The following RIMS2 variants were observed in gnomAD, a reference collection of about 807,000 sequenced individuals.
RIMS2 encodes the protein regulating synaptic membrane exocytosis 2.
A neutral mutation model predicts 174.4 loss-of-function variants in RIMS2; 59 were observed. The ratio of observed to expected loss-of-function variants is 0.34; its 90% CI spans 0.27 to 0.42. The LOEUF (loss-of-function observed/expected upper bound fraction) is 0.42, where lower values mean the gene tolerates loss of function less well. Ranked by LOEUF, RIMS2 falls within the 10% of genes least tolerant of loss-of-function variation. The pLI is 1.00. For missense variants in RIMS2, 1,620 were observed against 1,666.3 expected, an observed-to-expected ratio of 0.97 and a Z score of 0.48; for synonymous variants, 606 against 572.5, an observed-to-expected ratio of 1.06 and a Z score of -0.84.
intron 1 of RIMS2, among the ~76,000 whole-genome samples, chr8:103,638,829 A>C (rs530709526): frequency 4.5e-4 from 69 of 152,200 alleles, no homozygotes; most frequent in Admixed American, 3.4e-3. Context: ...CTCTCAGCAA[A>C]CAAAATGAGG....
chr8:103,626,597 A>T lies in RIMS2; in HGVS notation c.177-70489A>T, dbSNP rs565136920. Among the ~76,000 whole-genome samples, 26 of 152,340 alleles carry T rather than the reference A, an allele frequency of 1.7e-4. 1 individual carries two copies. The South Asian group carries it at 5.4e-3, about 32-fold the overall frequency. On this transcript the variant is annotated intron_variant, in intron 1 of 23. Coordinates refer to ENST00000504942, the Ensembl canonical transcript of RIMS2. ...TTTCCAGTAATGCATATATTGATCT[A>T]ATACCATAAAAAATATTGATGTCTA...
At chr8:103,817,313 T>C (rs1446536357) in intron 3 of RIMS2, among the ~76,000 whole-genome samples, 1 of 152,176 alleles carries the variant, frequency 6.6e-6, no homozygotes, top group Non-Finnish European at 1.5e-5. Context: ...AATTGGCCAT[T>C]TTACAATAGG....
intron 1 of RIMS2, among the ~76,000 whole-genome samples, chr8:103,616,421 T>C (rs1377967567): frequency 1.3e-5 from 2 of 152,204 alleles, no homozygotes; most frequent in Non-Finnish European, 2.9e-5. Flanking sequence ...TTATATTGAA[T>C]GGACAAAAGC....
chr8:103,783,543 A>G (rs1395653019), intron 3 of RIMS2, among the ~76,000 whole-genome samples: 2 of 151,224 alleles, frequency 1.3e-5, no homozygotes, highest in African/African-American at 2.4e-5. Flanking sequence ...TTCTTGCGAT[A>G]GTTTACTGAG....
chr8:103,588,241 A>C (rs2094070660), intron 1 of RIMS2, among the ~76,000 whole-genome samples: 1 of 151,972 alleles, frequency 6.6e-6, no homozygotes, highest in South Asian at 2.1e-4. Flanking sequence ...CTGAAGAAAA[A>C]AATTAAAGAG....
chr8:103,701,708 ATTTT>A (rs2097170024), intron 2 of RIMS2, among the ~76,000 whole-genome samples: 2 of 151,834 alleles, frequency 1.3e-5, no homozygotes, highest in Non-Finnish European at 2.9e-5. Context: ...GGCCTGGCTT[ATTTT>A]ACTTAACATA....
chr8:104,130,636 A>G (rs1689375211), intron 19 of RIMS2, among the ~76,000 whole-genome samples: 1 of 152,168 alleles, frequency 6.6e-6, no homozygotes, highest in Admixed American at 6.5e-5. Context: ...GGCGGAAGAT[A>G]AGAGCAAATT....
At chr8:103,576,372 G>A (rs1015020228) in intron 1 of RIMS2, among the ~76,000 whole-genome samples, 1 of 152,142 alleles carries the variant, frequency 6.6e-6, no homozygotes, top group African/African-American at 2.4e-5. Flanking sequence ...ACCACAATAA[G>A]CCAGATAGGT....
intron 2 of RIMS2, among the ~76,000 whole-genome samples, chr8:103,711,194 C>G (rs1011787242): frequency 2.6e-5 from 4 of 152,196 alleles, no homozygotes; most frequent in African/African-American, 9.7e-5. Context: ...TATTCTGAAT[C>G]TAGCTTTTAT....
At chr8:103,530,482 T>C (rs1183184902) in intron 1 of RIMS2, among the ~76,000 whole-genome samples, 1 of 152,132 alleles carries the variant, frequency 6.6e-6, no homozygotes, top group African/African-American at 2.4e-5. Flanking sequence ...AGAATCCAAC[T>C]GTATGCTATT....
intron 14 of RIMS2, among the ~76,000 whole-genome samples, chr8:103,954,522 A>G (rs2154544043): frequency 6.6e-6 from 1 of 152,360 alleles, no homozygotes; most frequent in Non-Finnish European, 1.5e-5. Context: ...TAACGAAATG[A>G]AGGCAGAAAT....
At chr8:104,132,391 A>T (rs1280813370) in intron 19 of RIMS2, among the ~76,000 whole-genome samples, 1 of 152,198 alleles carries the variant, frequency 6.6e-6, no homozygotes, top group Non-Finnish European at 1.5e-5. Context: ...CTCAGGGTAT[A>T]TGCTGTATAT....
At chr8:104,169,647 T>G (rs924257366) in intron 19 of RIMS2, among the ~76,000 whole-genome samples, 1 of 152,024 alleles carries the variant, frequency 6.6e-6, no homozygotes, top group African/African-American at 2.4e-5. Flanking sequence ...TTTATTTATC[T>G]TTTGTATTTT....
At chr8:104,019,921 G>T (rs1357221507) in intron 19 of RIMS2, among the ~76,000 whole-genome samples, 1 of 152,012 alleles carries the variant, frequency 6.6e-6, no homozygotes, top group Non-Finnish European at 1.5e-5. Context: ...GGGGACTTCA[G>T]CAATAGTTAA....
chr8:103,547,832 C>T (rs913929075), intron 1 of RIMS2, among the ~76,000 whole-genome samples: 4 of 152,018 alleles, frequency 2.6e-5, no homozygotes, highest in African/African-American at 7.2e-5. Flanking sequence ...GCACATATTA[C>T]CACTGATCCC....
At chr8:103,724,367 A>G (rs1264622474) in intron 2 of RIMS2, among the ~76,000 whole-genome samples, 2 of 152,098 alleles carry the variant, frequency 1.3e-5, no homozygotes, top group Non-Finnish European at 2.9e-5. Flanking sequence ...CATTTGTATT[A>G]CTATATTTGT....
chr8:103,752,000 G>A (rs2097899621), intron 2 of RIMS2, among the ~76,000 whole-genome samples: 1 of 152,146 alleles, frequency 6.6e-6, no homozygotes, highest in African/African-American at 2.4e-5. Flanking sequence ...ATTGCTTTTG[G>A]TGTTTTAGAC....
intron 13 of RIMS2, among the ~76,000 whole-genome samples, chr8:103,942,147 C>T (rs768773965): frequency 1.3e-5 from 2 of 152,114 alleles, no homozygotes; most frequent in Admixed American, 6.5e-5. Context: ...CTCCTCCTAC[C>T]CTCTACCCTC....
chr8:103,682,368 C>T (rs1326047455), intron 1 of RIMS2, among the ~76,000 whole-genome samples: 1 of 152,050 alleles, frequency 6.6e-6, no homozygotes, highest in Admixed American at 6.6e-5. Context: ...AGGAAGAAAA[C>T]CAGGAGTCTT....
Sources: gnomAD v4.1 joint callset for allele counts (sites outside exome capture counted in the v4.1 genomes callset) on GRCh38, gnomAD v4.1.1 for gene constraint, MANE v1.5 for transcripts, NCBI Gene and HGNC (gene_info 2026-07-23, HGNC 2026-07-21) for gene names.